SNX14: variants seen among roughly 807,000 people sequenced by gnomAD.
SNX14 encodes the protein sorting nexin-14.
In SNX14, 93 loss-of-function variants were observed where a neutral mutation model predicts 133.8. The ratio of observed to expected loss-of-function variants is 0.70; its 90% confidence interval spans 0.59 to 0.83. SNX14 has a LOEUF of 0.83. Among genes scored for constraint, SNX14 ranks in the 40% least tolerant of loss-of-function variants. SNX14 has a pLI of 0.00. For synonymous variants in SNX14, 368 were observed against 365.6 expected, an observed-to-expected ratio of 1.01 and a Z score of -0.07; for missense variants, 945 against 1,094.9, an observed-to-expected ratio of 0.86 and a Z score of 1.93.
chr6:85,549,967 C>T, intron 7 of SNX14, 88 bp from the exon 8 acceptor site: 1 of 1,207,140 alleles, frequency 8.3e-7, no homozygotes, highest in Non-Finnish European at 1.1e-6. Flanking sequence ...AGAGCATGGG[C>T]TGGGCGTGGT....
At chr6:85,529,558 C>A (rs1005303473) in intron 19 of SNX14, among the ~76,000 whole-genome samples, 1 of 152,090 alleles carries the variant, frequency 6.6e-6, no homozygotes, top group Non-Finnish European at 1.5e-5. Context: ...GGTACTGCAC[C>A]AGATTGGTAG....
At chr6:85,534,191 C>T (rs761711097) in intron 17 of SNX14, among the ~76,000 whole-genome samples, 1 of 152,148 alleles carries the variant, frequency 6.6e-6, no homozygotes, top group Non-Finnish European at 1.5e-5. Flanking sequence ...TCAGGCTGGG[C>T]GCATTGGCTT....
intron 1 of SNX14, among the ~76,000 whole-genome samples, chr6:85,591,121 A>C (rs1802615205): frequency 6.6e-6 from 1 of 152,078 alleles, no homozygotes; most frequent in South Asian, 2.1e-4. Context: ...ACTTCATATA[A>C]AATTATTTTT....
intron 5 of SNX14, 60 bp downstream of exon 5, chr6:85,567,474 T>G: frequency 8.4e-7 from 1 of 1,197,156 alleles, no homozygotes; most frequent in Non-Finnish European, 1.2e-6. Flanking sequence ...GTCATTAGCA[T>G]GCTTAACTTA....
intron 21 of SNX14, among the ~76,000 whole-genome samples, chr6:85,522,758 C>T (rs1171803587): frequency 6.6e-6 from 1 of 152,140 alleles, no homozygotes. Context: ...GTCCAAATTC[C>T]TTATCATGAC....
chr6:85,530,023 T>C (rs1779727636), intron 19 of SNX14, among the ~76,000 whole-genome samples, 169 bp downstream of exon 19: 1 of 152,008 alleles, frequency 6.6e-6, no homozygotes. Flanking sequence ...TACAGATAAA[T>C]AAAAATAAGA....
chr6:85,533,884 G>A (rs534630208), intron 17 of SNX14, 84 bp from the exon 18 acceptor site: 111 of 1,020,000 alleles, frequency 1.1e-4, no homozygotes, highest in Non-Finnish European at 1.3e-4. Flanking sequence ...AAAGTAATAT[G>A]CCCATATCAA....
At chr6:85,553,229 G>A (rs1200955018) in intron 7 of SNX14, among the ~76,000 whole-genome samples, 1 of 152,152 alleles carries the variant, frequency 6.6e-6, no homozygotes, top group Non-Finnish European at 1.5e-5. Flanking sequence ...GTACTAAGAA[G>A]GTAAATCAAG....
At chr6:85,546,888 G>C (rs981902577) in intron 12 of SNX14, among the ~76,000 whole-genome samples, 1 of 151,004 alleles carries the variant, frequency 6.6e-6, no homozygotes, top group African/African-American at 2.4e-5. Context: ...TTGAACCCAG[G>C]AGGCGGAGGT....
chr6:85,516,516 A>G (rs1753384028), intron 23 of SNX14, among the ~76,000 whole-genome samples: 1 of 152,160 alleles, frequency 6.6e-6, no homozygotes, highest in African/African-American at 2.4e-5. Context: ...TAAAAAGTCT[A>G]CCAAAAATAA....
intron 1 of SNX14, among the ~76,000 whole-genome samples, chr6:85,583,897 T>A (rs1044459792): frequency 6.6e-6 from 1 of 151,926 alleles, no homozygotes; most frequent in African/African-American, 2.4e-5. Flanking sequence ...GAAAAAAAAA[T>A]ACTTTAAATT....
chr6:85,519,841 C>G (rs1776235317), intron 21 of SNX14, among the ~76,000 whole-genome samples: 2 of 152,018 alleles, frequency 1.3e-5, no homozygotes, highest in African/African-American at 4.8e-5. Flanking sequence ...TGAACTCCAG[C>G]TGGGTGACAG....
At chr6:85,507,616 TATAC>T (rs1173493228) in intron 27 of SNX14, among the ~76,000 whole-genome samples, 1 of 152,128 alleles carries the variant, frequency 6.6e-6, no homozygotes, top group African/African-American at 2.4e-5. Context: ...ATATAAAGCT[TATAC>T]ATAGTTTACA....
chr6:85,570,805 A>G (rs1161935101), intron 4 of SNX14, among the ~76,000 whole-genome samples: 2 of 151,964 alleles, frequency 1.3e-5, no homozygotes. Context: ...GTGAGCCAAG[A>G]TTATGCCACT....
At chr6:85,511,051 C>A (rs2127773321) in intron 26 of SNX14, among the ~76,000 whole-genome samples, 1 of 152,310 alleles carries the variant, frequency 6.6e-6, no homozygotes, top group South Asian at 2.1e-4. Flanking sequence ...TTTCTATCCA[C>A]ATAAAATCTC....
chr6:85,541,940 G>A lies in SNX14; in HGVS notation c.1448+45C>T. The A allele has an allele frequency of 2.1e-6, 3 of 1,419,552 alleles. No homozygotes were observed. In the South Asian group the frequency reaches 3.8e-5, roughly 18 times the overall value. The allele number at this position is 1,419,552 out of a possible 1,614,324, so 87.9% of individuals were successfully genotyped here. ...TAATAAAGACAATGATGCTATCATAGAATGACTGGCATCAGCAAGTTCAAA... is the reference window on the plus strand; with the variant it reads ...TAATAAAGACAATGATGCTATCATAAAATGACTGGCATCAGCAAGTTCAAA... On this transcript the variant is annotated intron_variant, in intron 15 of 28. Transcript: ENST00000314673.
intron 6 of SNX14, among the ~76,000 whole-genome samples, chr6:85,562,869 C>G (rs1792192754): frequency 6.6e-6 from 1 of 152,068 alleles, no homozygotes; most frequent in Non-Finnish European, 1.5e-5. Flanking sequence ...CAGGCATGAG[C>G]CACGGTGCAT....
At chr6:85,565,262 A>T in intron 6 of SNX14, 70 bp downstream of exon 6, 1 of 959,894 alleles carries the variant, frequency 1.0e-6, no homozygotes, top group Non-Finnish European at 1.6e-6. Flanking sequence ...ACTCACAAAA[A>T]ATTGTTTTAA....
chr6:85,563,773 TTTTTTA>T (rs1792694651), intron 6 of SNX14, among the ~76,000 whole-genome samples: 1 of 151,692 alleles, frequency 6.6e-6, no homozygotes, highest in South Asian at 2.1e-4. Context: ...GACTTTTTTC[TTTTTTA>T]TTATTATTAT....
Sources: allele counts gnomAD v4.1 joint callset (sites outside exome capture counted in the v4.1 genomes callset), GRCh38; gene constraint gnomAD v4.1.1; transcripts MANE v1.5; gene names NCBI Gene and HGNC (gene_info 2026-07-23, HGNC 2026-07-21).